NAA15: variants seen among roughly 807,000 people sequenced by gnomAD.
NAA15 encodes the protein N-terminal acetyltransferase.
NAA15 carries 34 observed loss-of-function variants against 114.0 expected under a neutral mutation model. The observed-to-expected ratio is 0.30, with a 90% CI of 0.23 to 0.40. The LOEUF (loss-of-function observed/expected upper bound fraction) is 0.40. NAA15 is among the 10% of genes least tolerant of loss of function. The pLI, the probability that NAA15 is intolerant of heterozygous loss-of-function variation, is 1.00. For synonymous variants in NAA15, 340 were observed against 338.0 expected (o/e 1.01, Z -0.06); for missense variants, 658 against 1,004.5 (o/e 0.66, Z 4.66).
intron 17 of NAA15, among the ~76,000 whole-genome samples, chr4:139,382,658 T>C (rs1004568791): frequency 6.6e-6 from 1 of 152,166 alleles, no homozygotes; most frequent in African/African-American, 2.4e-5. Context: ...GTTTCCTCTC[T>C]ATTCCTGCTT....
At chr4:139,327,386 A>C (rs966103460) in intron 1 of NAA15, among the ~76,000 whole-genome samples, 1 of 152,130 alleles carries the variant, frequency 6.6e-6, no homozygotes, top group African/African-American at 2.4e-5. Context: ...AGTAGCTGGG[A>C]CTACAGGCGT....
At chr4:139,343,486 C>G (rs991156358) in intron 5 of NAA15, among the ~76,000 whole-genome samples, 1 of 151,994 alleles carries the variant, frequency 6.6e-6, no homozygotes, top group African/African-American at 2.4e-5. Context: ...CTCTTTTAAT[C>G]TGAAACAGTT....
intron 1 of NAA15, among the ~76,000 whole-genome samples, chr4:139,315,989 C>T (rs769906343): frequency 2.0e-5 from 3 of 150,596 alleles, no homozygotes; most frequent in Non-Finnish European, 4.4e-5. Context: ...TTTTTTCTGT[C>T]TCTTTTCCTG....
chr4:139,358,573 T>G (rs1459473213), intron 11 of NAA15, among the ~76,000 whole-genome samples: 1 of 152,170 alleles, frequency 6.6e-6, no homozygotes, highest in African/African-American at 2.4e-5. Context: ...AATTATACTT[T>G]AAGTTCTAGG....
At chr4:139,385,586 C>T (rs1302683282) in intron 18 of NAA15, among the ~76,000 whole-genome samples, 1 of 152,060 alleles carries the variant, frequency 6.6e-6, no homozygotes, top group African/African-American at 2.4e-5. Flanking sequence ...AAATTATCTT[C>T]ACAGTTTGTG....
At chr4:139,315,592 A>G (rs1746385041) in intron 1 of NAA15, among the ~76,000 whole-genome samples, 1 of 151,678 alleles carries the variant, frequency 6.6e-6, no homozygotes, top group Non-Finnish European at 1.5e-5. Context: ...TTTCTAAACT[A>G]CCTCCCAAAT....
chr4:139,318,377 G>A (rs1037555293), intron 1 of NAA15: 5 of 151,454 alleles, frequency 3.3e-5, no homozygotes, highest in Admixed American at 2.0e-4. Context: ...TTAAATATAC[G>A]GTGCTTCTTT....
chr4:139,355,708 TG>T (rs1378805216), intron 10 of NAA15, among the ~76,000 whole-genome samples: 1 of 152,244 alleles, frequency 6.6e-6, no homozygotes, highest in African/African-American at 2.4e-5. Flanking sequence ...AATCTTCTAA[TG>T]GACAGGTCCA....
intron 6 of NAA15, among the ~76,000 whole-genome samples, chr4:139,348,080 G>T (rs1379086584): frequency 6.6e-6 from 1 of 151,512 alleles, no homozygotes; most frequent in Non-Finnish European, 1.5e-5. Flanking sequence ...AGTCCTCTCA[G>T]TTTTAAAGTG....
chr4:139,314,382 A>G (rs1456123590), intron 1 of NAA15, among the ~76,000 whole-genome samples: 2 of 151,932 alleles, frequency 1.3e-5, no homozygotes, highest in Non-Finnish European at 2.9e-5. Context: ...AAATTCATAG[A>G]AGCAAACATG....
In NAA15 at chr4:139,378,735, TCTTA is replaced by T; in HGVS notation, c.2057-17_2057-14del. On this transcript the variant is annotated splice_polypyrimidine_tract_variant and intron_variant, in intron 16 of 19. Coordinates refer to ENST00000296543, the MANE Select transcript of NAA15 (RefSeq NM_057175.5). ...CCTCTTATCCAATGATCAAAATATA[TCTTA>T]CTTTCTCTTTTTATAGAAAAGTTTC... 1 of 1,470,004 alleles carries T rather than the reference TCTTA, an allele frequency of 6.8e-7. No individual in the cohort carries two copies. The highest frequency in any genetic ancestry group is 9.2e-7 in the Non-Finnish European group (1 of 1,084,588). The allele number at this position is 1,470,004 out of a possible 1,614,324, so 91.1% of individuals were successfully genotyped here.
At chr4:139,351,789 T>C (rs1050724748) in intron 9 of NAA15, among the ~76,000 whole-genome samples, 178 bp downstream of exon 9, 19 of 152,194 alleles carry the variant, frequency 1.2e-4, no homozygotes, top group Admixed American at 2.6e-4. Context: ...CTCTTTTTTT[T>C]CTTTAGCCCA....
chr4:139,337,416 C>T (rs1010827489), intron 3 of NAA15, among the ~76,000 whole-genome samples: 1 of 152,100 alleles, frequency 6.6e-6, no homozygotes, highest in African/African-American at 2.4e-5. Flanking sequence ...GTTCAAAACC[C>T]ATTTCAGCTT....
chr4:139,342,711 G>C (rs1399438314), intron 4 of NAA15, 115 bp from the exon 5 acceptor site: 1 of 905,816 alleles, frequency 1.1e-6, no homozygotes, highest in Non-Finnish European at 1.7e-6. Context: ...GCCTCCCAAA[G>C]TGCTGGGATT....
intron 4 of NAA15, 91 bp downstream of exon 4, chr4:139,341,160 T>C (rs934852992): frequency 4.5e-5 from 43 of 955,788 alleles, no homozygotes; most frequent in South Asian, 4.0e-4. Flanking sequence ...TTTATTTCAT[T>C]TTGAAAATAA....
At chr4:139,320,489 C>T (rs1432444972) in intron 1 of NAA15, among the ~76,000 whole-genome samples, 1 of 151,990 alleles carries the variant, frequency 6.6e-6, no homozygotes, top group African/African-American at 2.4e-5. Flanking sequence ...TCTCTGTGAT[C>T]TTCCTGAATG....
intron 1 of NAA15, among the ~76,000 whole-genome samples, chr4:139,333,453 C>G (rs956599166): frequency 6.0e-5 from 9 of 150,882 alleles, no homozygotes; most frequent in African/African-American, 2.2e-4. Flanking sequence ...TATTTTCAGG[C>G]TTTGAGATTT....
intron 17 of NAA15, chr4:139,379,368 A>G (rs1346431420): frequency 6.6e-6 from 1 of 152,264 alleles, no homozygotes; most frequent in East Asian, 1.9e-4. Context: ...GTAGAACTAC[A>G]GAATTTTAGA....
chr4:139,376,724 T>C (rs1396635331), intron 16 of NAA15, among the ~76,000 whole-genome samples: 1 of 152,228 alleles, frequency 6.6e-6, no homozygotes, highest in Non-Finnish European at 1.5e-5. Flanking sequence ...AATTACCATG[T>C]ATATGGTTCA....
Sources: gnomAD v4.1 joint callset for allele counts (sites outside exome capture counted in the v4.1 genomes callset) on GRCh38, gnomAD v4.1.1 for gene constraint, MANE v1.5 for transcripts, NCBI Gene and HGNC (gene_info 2026-07-23, HGNC 2026-07-21) for gene names.